Variants in ATP2A2 observed in about 807,000 individuals in gnomAD.
ATP2A2 encodes the protein ATPase sarcoplasmic/endoplasmic reticulum Ca2+ transporting 2.
Under a neutral mutation model 109.3 loss-of-function variants are expected in ATP2A2, and 14 were observed. The ratio of observed to expected loss-of-function variants is 0.13; its 90% CI spans 0.08 to 0.20. ATP2A2 has a LOEUF of 0.20. ATP2A2 is among the 10% of genes least tolerant of loss of function. ATP2A2 has a pLI of 1.00. For missense variants in ATP2A2, 657 were observed against 1,321.6 expected, an observed-to-expected ratio of 0.50 and a Z score of 7.80; for synonymous variants, 506 against 490.9, an observed-to-expected ratio of 1.03 and a Z score of -0.41.
At chr12:110,319,676 G>A (rs1029780850) in intron 5 of ATP2A2, among the ~76,000 whole-genome samples, 2 of 149,396 alleles carry the variant, frequency 1.3e-5, no homozygotes, top group African/African-American at 2.4e-5. Flanking sequence ...TACACATATT[G>A]TATATTTATA....
In ATP2A2 at chr12:110,335,345, C is replaced by G. The variant is rs377319845; in HGVS notation, c.1419+1202C>G. 5.6e-3 allele frequency among the ~76,000 whole-genome samples: 856 copies of G among 152,332 alleles called. 9 individuals carry two copies. The highest frequency in any genetic ancestry group is 0.017 in the South Asian group (81 of 4,828). ...GGGTCTCCTCAAAAGACTGGTCCCC[C>G]TGCCTGTCACTTGGCTCAGCTTAAG... On this transcript the variant is annotated intron_variant, in intron 11 of 19. Coordinates refer to ENST00000539276, the MANE Select transcript of ATP2A2 (RefSeq NM_170665.4).
At chr12:110,341,733 TGTG>T (rs1879374971) in intron 14 of ATP2A2, among the ~76,000 whole-genome samples, 1 of 151,780 alleles carries the variant, frequency 6.6e-6, no homozygotes, top group South Asian at 2.1e-4. Context: ...AATTGCTGGG[TGTG>T]GTGGTGGGCG....
upstream of ATP2A2, chr12:110,280,998 G>C (rs893215325): frequency 1.3e-5 from 2 of 152,030 alleles, no homozygotes; most frequent in Non-Finnish European, 2.9e-5. Flanking sequence ...GCACAGAAGA[G>C]GGTACCCAGC....
At position 110,349,054 on chromosome 12, in the gene ATP2A2, C is replaced by T. The variant is rs992571442; in HGVS notation, c.*2584C>T. 3 of 985,354 alleles carry T rather than the reference C, an allele frequency of 3.0e-6. No homozygotes were observed. The highest frequency in any genetic ancestry group is 9.4e-5 in the South Asian group (2 of 21,280). 61.0% of individuals were successfully genotyped at this position (985,354 alleles called of 1,614,324 possible). A position where few individuals can be genotyped will look rare whatever the true frequency, so the allele number is the denominator to read the frequency against. Reference sequence around the variant, plus strand: ...GCTTCATGGTTTCTCAGCTTCAGACCCCTCCAGCCCACAGAGGAGCCCATG... The same window carrying T: ...GCTTCATGGTTTCTCAGCTTCAGACTCCTCCAGCCCACAGAGGAGCCCATG... On this transcript the variant is annotated 3_prime_UTR_variant, in exon 20 of 20. Transcript: ENST00000539276.
Position 110,340,016 on chromosome 12 carries a change from A to G in ATP2A2, c.1761+295A>G, listed in dbSNP as rs969452739. Reference sequence around the variant, plus strand: ...TCTCATCTAAATCATGATTTTTTTTAAATTGGTGACATTTCTAGAATATTC... The same window carrying G: ...TCTCATCTAAATCATGATTTTTTTTGAATTGGTGACATTTCTAGAATATTC... On this transcript the variant is annotated intron_variant, in intron 13 of 19. Coordinates refer to ENST00000539276, the MANE Select transcript of ATP2A2 (RefSeq NM_170665.4). This position sits in a 1 kb window ranked among gnomAD's most constrained non-coding sequence, Gnocchi z 6.0. 6.6e-6 allele frequency among the ~76,000 whole-genome samples: 1 copy of G among 152,232 alleles called. No homozygotes were observed. Among genetic ancestry groups the G allele is most frequent in the Middle Eastern group, 3.4e-3 (1 of 294 alleles).
At chr12:110,308,297 C>T (rs916952244) in intron 5 of ATP2A2, among the ~76,000 whole-genome samples, 1 of 152,146 alleles carries the variant, frequency 6.6e-6, no homozygotes, top group Non-Finnish European at 1.5e-5. Flanking sequence ...TCTTACTGAT[C>T]GTAGGGGAAA....
At chr12:110,302,897 T>G (rs2137740541) in intron 5 of ATP2A2, among the ~76,000 whole-genome samples, 1 of 151,576 alleles carries the variant, frequency 6.6e-6, no homozygotes, top group East Asian at 1.9e-4. Context: ...GTGCCTGGCC[T>G]ATTATTATTT....
In ATP2A2 at chr12:110,350,415, A is replaced by G; in HGVS notation, c.*3945A>G. 6.3e-7 allele frequency: 1 copy of G among 1,580,184 alleles called. No homozygotes were observed. On this transcript the variant is annotated 3_prime_UTR_variant, in exon 20 of 20. Transcript: ENST00000539276. ...GCATGACTGATGTTGGGGAAAAAGA[A>G]AAGTAAAAAACTTCCCAACTCACTT...
intron 16 of ATP2A2, among the ~76,000 whole-genome samples, chr12:110,344,632 G>A (rs1245067358): frequency 6.6e-6 from 1 of 152,246 alleles, no homozygotes; most frequent in Non-Finnish European, 1.5e-5. Flanking sequence ...GATGGAGCAA[G>A]TGCTTTTTCT....
At chr12:110,345,820 C>A in intron 18 of ATP2A2, 181 bp from the exon 19 acceptor site, 1 of 693,100 alleles carries the variant, frequency 1.4e-6, no homozygotes, top group Admixed American at 2.1e-5. Flanking sequence ...ACAGAATTCA[C>A]AGTTTGTCCT....
In ATP2A2 at chr12:110,339,644, G is replaced by A. The variant is rs1566238030; in HGVS notation, c.1684G>A (p.Ala562Thr). ...TGGCAGCGACACACTGCGATGCCTG[G>A]CCCTGGCCACTCATGACAACCCACT... is the stretch of plus-strand genomic sequence containing the variant. ...GSGSDTLRCL[A>T]LATHDNPLRR... Residue 562 changes from alanine (A) to threonine (T), a missense_variant, in exon 13 of 20, where the codon GCC becomes ACC. Physicochemically the swap from Ala to Thr is moderately conservative, Grantham distance 58. Around this residue, in one of 9 missense-constraint regions of ATP2A2, gnomAD observed 180 missense variants for 329.1 expected, o/e 0.55. Transcript: ENST00000539276. This position sits in a 1 kb window ranked among gnomAD's most constrained non-coding sequence, Gnocchi z 4.4. 1 of 1,614,116 alleles carries A rather than the reference G, an allele frequency of 6.2e-7. No individual in the cohort carries two copies. The highest frequency in any genetic ancestry group is 8.5e-7 in the Non-Finnish European group (1 of 1,180,024).
chr12:110,304,425 C>T (rs905751833), intron 5 of ATP2A2, among the ~76,000 whole-genome samples: 1 of 152,148 alleles, frequency 6.6e-6, no homozygotes, highest in Non-Finnish European at 1.5e-5. Flanking sequence ...ATACAAGTTC[C>T]AGTTTCTCTA....
At chr12:110,295,538 A>C (rs979691173) in intron 4 of ATP2A2, among the ~76,000 whole-genome samples, 4 of 152,152 alleles carry the variant, frequency 2.6e-5, no homozygotes, top group Non-Finnish European at 5.9e-5. Flanking sequence ...GTTAAATTCC[A>C]CCCAACATGA....
At position 110,327,923 on chromosome 12, in the gene ATP2A2, G is replaced by A; in HGVS notation, c.1001G>A (p.Arg334Gln). The change falls in exon 8 of 20, where the codon CGA (arginine) becomes CAA (glutamine). Residue 334 changes from arginine to glutamine, a missense_variant. By Grantham distance (43) the Arg-to-Gln change is conservative. Coordinates refer to ENST00000539276, the MANE Select transcript of ATP2A2 (RefSeq NM_170665.4). This position sits in a 1 kb window ranked among gnomAD's most constrained non-coding sequence, Gnocchi z 4.4. ...ATGGCAAAGAAAAATGCCATTGTTC[G>A]AAGCCTCCCGTCTGTGGAAACCCTT... is the stretch of plus-strand genomic sequence containing the variant. ...RRMAKKNAIVRSLPSVETLGC... is the reference protein window; with the variant it reads ...RRMAKKNAIVQSLPSVETLGC... The A allele has an allele frequency of 1.2e-6, 2 of 1,614,028 alleles. No individual in the cohort carries two copies. The highest frequency in any genetic ancestry group is 1.7e-6 in the Non-Finnish European group (2 of 1,179,936).
chr12:110,341,662 C>T (rs181112349), intron 14 of ATP2A2, among the ~76,000 whole-genome samples: 2 of 152,198 alleles, frequency 1.3e-5, no homozygotes, highest in East Asian at 3.9e-4. Flanking sequence ...CACTTGGGGT[C>T]AGGAGTTCAA....
chr12:110,296,371 A>G (rs1209738834), intron 4 of ATP2A2: 1 of 545,304 alleles, frequency 1.8e-6, no homozygotes, highest in African/African-American at 1.9e-5. Context: ...GCTTTTCCTC[A>G]TTGTTTTATC....
rs1454027844 is a variant in ATP2A2 at position 110,340,719 on chromosome 12, T to G, written c.1822T>G (p.Ser608Ala). The G allele has an allele frequency of 6.8e-6, 11 of 1,614,012 alleles. No individual in the cohort carries two copies. Among genetic ancestry groups the G allele is most frequent in the Admixed American group, 1.7e-5 (1 of 60,000 alleles). ...MLDPPRIEVASSVKLCRQAGI... is the reference protein window; with the variant it reads ...MLDPPRIEVAASVKLCRQAGI... ...GGATCCTCCGAGAATCGAGGTGGCC[T>G]CCTCCGTGAAGCTGTGCCGGCAAGC... Residue 608 changes from serine to alanine, a missense_variant, in exon 14 of 20, where the codon TCC becomes GCC. Ser to Ala is a moderately conservative substitution (Grantham distance 99). This residue lies in a region of ATP2A2 where 180 missense variants were observed against 329.1 expected (regional missense o/e 0.55). Transcript: ENST00000539276. This position sits in a 1 kb window ranked among gnomAD's most constrained non-coding sequence, Gnocchi z 6.0.
intron 3 of ATP2A2, among the ~76,000 whole-genome samples, chr12:110,290,003 C>G (rs185582419): frequency 1.3e-5 from 2 of 152,290 alleles, no homozygotes; most frequent in Non-Finnish European, 2.9e-5. Context: ...AAAGTTTAAA[C>G]CTCTGCCCCA....
intron 14 of ATP2A2, 42 bp downstream of exon 14, chr12:110,341,036 A>G (rs377491768): frequency 1.3e-6 from 2 of 1,595,026 alleles, no homozygotes; most frequent in African/African-American, 1.3e-5. Context: ...AGGCTACACA[A>G]GCACATAGTA....
Sources: gnomAD v4.1 joint callset for allele counts (sites outside exome capture counted in the v4.1 genomes callset) on GRCh38, gnomAD v4.1.1 for gene constraint, gnomAD v4.1.1 regional missense constraint, Gnocchi (gnomAD v3.1) non-coding constraint, MANE v1.5 for transcripts, NCBI Gene and HGNC (gene_info 2026-07-23, HGNC 2026-07-21) for gene names.